Variants in PRKCE observed in about 807,000 individuals in gnomAD.
The protein encoded by PRKCE is protein kinase C epsilon type.
Under a neutral mutation model 85.4 loss-of-function variants are expected in PRKCE, and 16 were observed. The observed-to-expected ratio is 0.19, with a 90% CI of 0.13 to 0.28. PRKCE has a LOEUF of 0.28. Ranked by LOEUF, PRKCE falls within the 10% of genes least tolerant of loss-of-function variation. PRKCE has a pLI of 1.00. For synonymous variants in PRKCE, 388 were observed against 371.5 expected (o/e 1.04, Z -0.51); for missense variants, 573 against 975.2 (o/e 0.59, Z 5.49).
intron 1 of PRKCE, among the ~76,000 whole-genome samples, chr2:45,673,101 C>G (rs914557121): frequency 2.6e-5 from 4 of 152,074 alleles, no homozygotes; most frequent in African/African-American, 9.7e-5. Context: ...TCCTCCACTC[C>G]TTTTTTTGGG....
intron 1 of PRKCE, among the ~76,000 whole-genome samples, chr2:45,746,036 A>C (rs1683107787): frequency 6.6e-6 from 1 of 152,208 alleles, no homozygotes; most frequent in African/African-American, 2.4e-5. Flanking sequence ...AAGAAATCAG[A>C]CAGTGGAACT....
intron 2 of PRKCE, among the ~76,000 whole-genome samples, chr2:45,863,075 G>C (rs942751278): frequency 6.6e-6 from 1 of 152,186 alleles, no homozygotes. Flanking sequence ...GGGGGTTGTG[G>C]GAGAGGGAAG....
chr2:46,109,110 G>A (rs373520417), intron 11 of PRKCE, among the ~76,000 whole-genome samples: 8 of 152,070 alleles, frequency 5.3e-5, no homozygotes, highest in African/African-American at 1.9e-4. Context: ...TTTATAGTAA[G>A]TCTCAAAATT....
chr2:45,933,946 C>G (rs1409604806), intron 2 of PRKCE, among the ~76,000 whole-genome samples: 1 of 152,184 alleles, frequency 6.6e-6, no homozygotes, highest in African/African-American at 2.4e-5. Context: ...CTTCAGGCAT[C>G]ATGTTTTTCT....
At chr2:45,730,061 A>C (rs1399745410) in intron 1 of PRKCE, among the ~76,000 whole-genome samples, 1 of 152,184 alleles carries the variant, frequency 6.6e-6, no homozygotes, top group South Asian at 2.1e-4. Context: ...AGAGGAAGAA[A>C]AACAGAAACC....
intron 2 of PRKCE, among the ~76,000 whole-genome samples, chr2:45,920,052 T>C (rs920073158): frequency 6.6e-6 from 1 of 152,166 alleles, no homozygotes; most frequent in African/African-American, 2.4e-5. Context: ...GTACATGTAT[T>C]TGTGGCCCCA....
In PRKCE at chr2:46,127,441, A is replaced by ATGTTC. The variant is rs1358212599; in HGVS notation, c.1593-17652_1593-17651insTGTTC. 2.8e-4 allele frequency among the ~76,000 whole-genome samples: 43 copies of ATGTTC among 152,216 alleles called. 1 individual carries two copies. The highest frequency in any genetic ancestry group is 3.7e-4 in the Non-Finnish European group (25 of 68,040). On this transcript the variant is annotated intron_variant, in intron 11 of 14. Coordinates refer to ENST00000306156, the MANE Select transcript of PRKCE (RefSeq NM_005400.3). ...GCTTCCAGATGTTCACAGTCATGGCAATATTCATCCAGTAGCTAATTTTTG... is the reference window on the plus strand; with the variant it reads ...GCTTCCAGATGTTCACAGTCATGGCATGTTCATATTCATCCAGTAGCTAATTTTTG...
intron 11 of PRKCE, among the ~76,000 whole-genome samples, chr2:46,094,344 G>C (rs950402693): frequency 2.0e-5 from 3 of 152,098 alleles, no homozygotes; most frequent in African/African-American, 7.2e-5. Flanking sequence ...CAAATATATA[G>C]GAAGTGAAAT....
At chr2:45,732,233 G>T (rs113240795) in intron 1 of PRKCE, among the ~76,000 whole-genome samples, 6 of 152,096 alleles carry the variant, frequency 3.9e-5, no homozygotes, top group Non-Finnish European at 8.8e-5. Context: ...GCTCCATGTC[G>T]GGAGGCTAGG....
chr2:46,129,137 A>G (rs1238807259), intron 11 of PRKCE, among the ~76,000 whole-genome samples: 1 of 152,202 alleles, frequency 6.6e-6, no homozygotes, highest in East Asian at 1.9e-4. Context: ...TGATGATAGT[A>G]CCCATTTCAG....
rs762045007 is a variant in PRKCE at position 46,187,734 on chromosome 2, T to TA, written c.*2859dup. ...TTGCTTTAAAAAAAAAAAAGAAGGCTAAAAAATTACCTCTTTTTAAATTAT... is the reference window on the plus strand; with the variant it reads ...TTGCTTTAAAAAAAAAAAAGAAGGCTAAAAAAATTACCTCTTTTTAAATTAT... On this transcript the variant is annotated 3_prime_UTR_variant, in exon 15 of 15. Coordinates refer to ENST00000306156, the MANE Select transcript of PRKCE (RefSeq NM_005400.3). 1.3e-5 allele frequency: 2 copies of TA among 151,634 alleles called. No homozygotes were observed. The highest frequency in any genetic ancestry group is 3.9e-4 in the East Asian group (2 of 5,176). The allele number at this position is 151,634 out of a possible 1,614,324, so 9.4% of individuals were successfully genotyped here.
chr2:45,810,911 A>G (rs1431991944), intron 1 of PRKCE, among the ~76,000 whole-genome samples: 1 of 152,252 alleles, frequency 6.6e-6, no homozygotes, highest in Non-Finnish European at 1.5e-5. Flanking sequence ...AGTGTCCTCT[A>G]GACTCGATAC....
At chr2:45,671,793 G>A (rs371536092) in intron 1 of PRKCE, among the ~76,000 whole-genome samples, 2 of 152,268 alleles carry the variant, frequency 1.3e-5, no homozygotes, top group East Asian at 3.9e-4. Context: ...TAGAGGACAG[G>A]TATGGTGGTT....
intron 2 of PRKCE, among the ~76,000 whole-genome samples, chr2:45,851,407 C>G (rs750408854): frequency 5.9e-5 from 9 of 152,112 alleles, no homozygotes; most frequent in Non-Finnish European, 1.3e-4. Flanking sequence ...AATTCCTGCC[C>G]TCATGGGGCT....
At chr2:45,745,705 G>A (rs919871666) in intron 1 of PRKCE, among the ~76,000 whole-genome samples, 17 of 152,102 alleles carry the variant, frequency 1.1e-4, no homozygotes, top group African/African-American at 3.9e-4. Flanking sequence ...GCCCTGACTA[G>A]CCTAAGGGAG....
intron 12 of PRKCE, among the ~76,000 whole-genome samples, chr2:46,150,057 C>T (rs769114938): frequency 6.6e-6 from 1 of 151,904 alleles, no homozygotes; most frequent in Admixed American, 6.6e-5. Flanking sequence ...ACCATGTTGC[C>T]CAGGCTGGTC....
chr2:46,022,132 A>G (rs990070718), intron 10 of PRKCE, among the ~76,000 whole-genome samples: 47 of 152,316 alleles, frequency 3.1e-4, no homozygotes, highest in African/African-American at 1.1e-3. Flanking sequence ...TGTGGGAAAC[A>G]CAGGATGCAG....
chr2:46,033,671 G>A (rs1707681160), intron 10 of PRKCE, among the ~76,000 whole-genome samples: 5 of 152,272 alleles, frequency 3.3e-5, no homozygotes, highest in Non-Finnish European at 5.9e-5. Context: ...AAATCTGACT[G>A]GATTTGAAAA....
chr2:46,151,617 G>A (rs1332160521), intron 13 of PRKCE, among the ~76,000 whole-genome samples: 1 of 143,890 alleles, frequency 6.9e-6, no homozygotes, highest in East Asian at 2.2e-4. Flanking sequence ...CTTACCTGTG[G>A]CCTGTCTTCA....
Sources: allele counts gnomAD v4.1 joint callset (sites outside exome capture counted in the v4.1 genomes callset), GRCh38; gene constraint gnomAD v4.1.1; transcripts MANE v1.5; gene names NCBI Gene and HGNC (gene_info 2026-07-23, HGNC 2026-07-21).